The following SAMMSON variants were observed in gnomAD, a reference collection of about 807,000 sequenced individuals.
SAMMSON encodes the protein long intergenic non-protein coding RNA 1212.
At chr3:70,010,250 C>G (rs2066948145) in intron 1 of SAMMSON, among the ~76,000 whole-genome samples, 1 of 151,896 alleles carries the variant, frequency 6.6e-6, no homozygotes, top group South Asian at 2.1e-4. Context: ...GTTAAAGTCT[C>G]CCGTTATTAT....
intron 9 of SAMMSON, among the ~76,000 whole-genome samples, chr3:70,379,474 G>C (rs1181207711): frequency 2.6e-5 from 4 of 152,090 alleles, no homozygotes; most frequent in African/African-American, 9.7e-5. Flanking sequence ...TTGGGCAGAG[G>C]GAGAATTGCA....
intron 7 of SAMMSON, among the ~76,000 whole-genome samples, chr3:70,315,969 C>G (rs1702491601): frequency 2.0e-5 from 3 of 152,110 alleles, no homozygotes; most frequent in Admixed American, 2.0e-4. Context: ...GATGTGGTCT[C>G]AAGGCTCAAG....
At chr3:70,018,412 G>T (rs1326585653) in intron 3 of SAMMSON, among the ~76,000 whole-genome samples, 2 of 151,982 alleles carry the variant, frequency 1.3e-5, no homozygotes, top group African/African-American at 4.8e-5. Context: ...TATTTCTGTG[G>T]GATCGGTGGT....
intron 3 of SAMMSON, among the ~76,000 whole-genome samples, chr3:70,039,477 C>A (rs2067098248): frequency 6.6e-6 from 1 of 151,972 alleles, no homozygotes; most frequent in African/African-American, 2.4e-5. Context: ...TGCCTTTGAA[C>A]TTTATCTGCA....
rs372592584 is a variant in SAMMSON, at chr3:70,241,975, A to G, written n.508-7132A>G. On this transcript the variant is annotated intron_variant and non_coding_transcript_variant, in intron 4 of 9. Transcript: ENST00000642114. ...TTTGTTTAGGCCCTTAGAGTTTATT[A>G]TCTAATCCTAGTAGGTGGCACCAAC... Among the ~76,000 whole-genome samples, 3 of 152,322 alleles carry G rather than the reference A, an allele frequency of 2.0e-5. No individual in the cohort carries two copies. In the East Asian group the frequency reaches 5.8e-4, roughly 29 times the overall value.
intron 4 of SAMMSON, among the ~76,000 whole-genome samples, chr3:70,135,588 A>G (rs1485390801): frequency 1.3e-5 from 2 of 152,200 alleles, no homozygotes; most frequent in Non-Finnish European, 2.9e-5. Flanking sequence ...TTTTCTGTGG[A>G]CATAAAAGAT....
chr3:70,328,239 G>A (rs1702592360), intron 7 of SAMMSON, among the ~76,000 whole-genome samples: 1 of 152,090 alleles, frequency 6.6e-6, no homozygotes, highest in African/African-American at 2.4e-5. Flanking sequence ...ATGAGATTTG[G>A]GTGGGGACAC....
chr3:70,064,681 G>GA (rs1443648084), intron 3 of SAMMSON, among the ~76,000 whole-genome samples: 12 of 152,226 alleles, frequency 7.9e-5, no homozygotes, highest in African/African-American at 2.2e-4. Flanking sequence ...TTAGAGGCAG[G>GA]AGCAGATGTA....
intron 4 of SAMMSON, among the ~76,000 whole-genome samples, chr3:70,097,949 C>T (rs926506736): frequency 2.0e-5 from 3 of 152,180 alleles, no homozygotes; most frequent in African/African-American, 7.2e-5. Flanking sequence ...TCACAACATT[C>T]TTCATATTAT....
chr3:70,193,596 G>T (rs932860000), intron 4 of SAMMSON, among the ~76,000 whole-genome samples: 1 of 152,076 alleles, frequency 6.6e-6, no homozygotes, highest in Admixed American at 6.5e-5. Flanking sequence ...CTCACCTGAC[G>T]ATACATGTGG....
In SAMMSON at chr3:70,100,972, A is replaced by T. The variant is rs192745572; in HGVS notation, n.507+29407A>T. 6.2e-3 allele frequency among the ~76,000 whole-genome samples: 941 copies of T among 152,336 alleles called. 4 individuals are homozygous for T. The highest frequency in any genetic ancestry group is 9.2e-3 in the Non-Finnish European group (628 of 68,016). On this transcript the variant is annotated intron_variant and non_coding_transcript_variant, in intron 4 of 9. Coordinates refer to ENST00000642114, the Ensembl canonical transcript of SAMMSON. ...AGAATCACATTGTTTATCCAACAAA[A>T]TTATTACAGCTTTGATGAAGCTTTT...
intron 7 of SAMMSON, among the ~76,000 whole-genome samples, chr3:70,299,107 A>G (rs1042207870): frequency 6.6e-6 from 1 of 152,130 alleles, no homozygotes; most frequent in Non-Finnish European, 1.5e-5. Flanking sequence ...GAGATTTAAA[A>G]GCAGAAAATG....
rs1702760869 is a variant in SAMMSON at position 70,347,552 on chromosome 3, C to G, written n.740-6623C>G. On this transcript the variant is annotated intron_variant and non_coding_transcript_variant, in intron 7 of 9. Coordinates refer to ENST00000642114, the Ensembl canonical transcript of SAMMSON. ...CTTCAGACCTAATTTTTCTGCTCCT[C>G]TCATCACACACTAGAATGTGGCTGC... Among the ~76,000 whole-genome samples the G allele has an allele frequency of 9.9e-5, 15 of 152,192 alleles. No homozygotes were observed. In the South Asian group the frequency reaches 2.7e-3, roughly 27 times the overall value.
chr3:70,087,400 C>T (rs1294183909), intron 4 of SAMMSON, among the ~76,000 whole-genome samples: 1 of 152,150 alleles, frequency 6.6e-6, no homozygotes, highest in African/African-American at 2.4e-5. Flanking sequence ...GGTACATATT[C>T]TTGCCGACTT....
At chr3:70,232,822 G>A (rs1279441594) in intron 4 of SAMMSON, among the ~76,000 whole-genome samples, 1 of 152,108 alleles carries the variant, frequency 6.6e-6, no homozygotes, top group South Asian at 2.1e-4. Flanking sequence ...GTCTTCCCAG[G>A]GTGATTCTCT....
At chr3:70,006,237 A>G (rs372824996) in intron 1 of SAMMSON, among the ~76,000 whole-genome samples, 4 of 152,334 alleles carry the variant, frequency 2.6e-5, no homozygotes, top group South Asian at 4.1e-4. Context: ...AGTTTGCGTA[A>G]TAAAAACCTC....
chr3:70,065,830 T>C (rs2067207533), intron 3 of SAMMSON, among the ~76,000 whole-genome samples: 1 of 152,110 alleles, frequency 6.6e-6, no homozygotes, highest in Non-Finnish European at 1.5e-5. Context: ...GCCCCAGAAC[T>C]GCCCACTCCA....
intron 4 of SAMMSON, among the ~76,000 whole-genome samples, chr3:70,175,995 G>A (rs1010478013): frequency 6.6e-6 from 1 of 151,916 alleles, no homozygotes; most frequent in Non-Finnish European, 1.5e-5. Flanking sequence ...AGATATTTCT[G>A]CCTTTTCTCC....
chr3:70,396,059 T>A (rs1701090613), intron 2 of SAMMSON, among the ~76,000 whole-genome samples: 1 of 152,162 alleles, frequency 6.6e-6, no homozygotes, highest in African/African-American at 2.4e-5. Context: ...AGCCCTTTTC[T>A]TCACCTTTAA....
Sources: allele counts gnomAD v4.1 joint callset (sites outside exome capture counted in the v4.1 genomes callset), GRCh38; gene constraint gnomAD v4.1.1; transcripts MANE v1.5; gene names NCBI Gene and HGNC (gene_info 2026-07-23, HGNC 2026-07-21).